The following MAD1L1 variants were observed in gnomAD, a reference collection of about 807,000 sequenced individuals.
The protein encoded by MAD1L1 is mitotic arrest deficient 1 like 1, also known as mitotic spindle assembly checkpoint protein MAD1.
In MAD1L1, 95 loss-of-function variants were observed where a neutral mutation model predicts 96.9. That is an observed-to-expected ratio of 0.98 (90% CI 0.83 to 1.16). The LOEUF is 1.16. MAD1L1 is among the 50% of genes most tolerant of loss of function. The pLI is 0.00. For synonymous variants in MAD1L1, 473 were observed against 396.6 expected, an observed-to-expected ratio of 1.19 and a Z score of -2.29; for missense variants, 1,007 against 954.4, an observed-to-expected ratio of 1.06 and a Z score of -0.73.
intron 18 of MAD1L1, among the ~76,000 whole-genome samples, chr7:1,860,610 G>A (rs61061082): frequency 0.023 from 3,465 of 152,282 alleles, 115 homozygotes; most frequent in African/African-American, 0.079. Context: ...AAACGAAGCT[G>A]CCCAGCTCTG....
At chr7:2,121,656 G>A (rs948947226) in intron 11 of MAD1L1, among the ~76,000 whole-genome samples, 1 of 151,188 alleles carries the variant, frequency 6.6e-6, no homozygotes, top group Non-Finnish European at 1.5e-5. Flanking sequence ...TGGGCCCAGA[G>A]CCAAGGTGGC....
chr7:2,167,055 A>G (rs13244625), intron 10 of MAD1L1, among the ~76,000 whole-genome samples: 22,231 of 152,240 alleles, frequency 0.15, 1,840 homozygotes, highest in Middle Eastern at 0.27. Context: ...GGTGAGCTCG[A>G]AACCCTAAAG....
chr7:1,932,689 T>C (rs1231945105), intron 17 of MAD1L1, among the ~76,000 whole-genome samples: 2 of 152,260 alleles, frequency 1.3e-5, no homozygotes, highest in Non-Finnish European at 1.5e-5. Context: ...TGTGCGGGTC[T>C]ATCCCCAACC....
intron 13 of MAD1L1, among the ~76,000 whole-genome samples, chr7:2,010,516 G>A (rs937418541): frequency 2.6e-5 from 4 of 152,296 alleles, no homozygotes; most frequent in African/African-American, 9.6e-5. Flanking sequence ...TATCCACAGA[G>A]GACTCCTGAC....
intron 10 of MAD1L1, among the ~76,000 whole-genome samples, chr7:2,159,257 G>A (rs1789984971): frequency 6.6e-6 from 1 of 152,246 alleles, no homozygotes. Flanking sequence ...GTGCAGGACA[G>A]GGGTGCAGGA....
intron 11 of MAD1L1, among the ~76,000 whole-genome samples, chr7:2,104,755 G>T (rs949974390): frequency 1.3e-5 from 2 of 151,988 alleles, no homozygotes; most frequent in Admixed American, 6.6e-5. Context: ...CCTTTGCCAT[G>T]AAAGACCTCA....
intron 18 of MAD1L1, among the ~76,000 whole-genome samples, chr7:1,836,003 G>A (rs1782920199): frequency 6.6e-6 from 1 of 152,152 alleles, no homozygotes; most frequent in Non-Finnish European, 1.5e-5. Context: ...AATGAGCAGT[G>A]AGGATGACCA....
intron 18 of MAD1L1, among the ~76,000 whole-genome samples, chr7:1,828,554 C>T (rs1318733429): frequency 6.6e-6 from 1 of 152,244 alleles, no homozygotes; most frequent in African/African-American, 2.4e-5. Flanking sequence ...CTGAGATGGA[C>T]ACCCCGCAGC....
At chr7:1,879,519 A>T (rs2128662930) in intron 18 of MAD1L1, among the ~76,000 whole-genome samples, 1 of 152,330 alleles carries the variant, frequency 6.6e-6, no homozygotes, top group East Asian at 1.9e-4. Flanking sequence ...AATGTAATCC[A>T]AATCAAAGTC....
chr7:1,901,099 G>C (rs1194525196), intron 17 of MAD1L1, among the ~76,000 whole-genome samples: 2 of 152,148 alleles, frequency 1.3e-5, no homozygotes, highest in Non-Finnish European at 2.9e-5. Context: ...CCCTGATCCT[G>C]GTCTCCTGTC....
At chr7:2,035,240 C>T (rs1441286649) in intron 12 of MAD1L1, among the ~76,000 whole-genome samples, 2 of 139,908 alleles carry the variant, frequency 1.4e-5, no homozygotes, top group Non-Finnish European at 3.0e-5. Flanking sequence ...GGAGTCCAGG[C>T]TCCCAGGCAT....
At chr7:2,024,735 T>C (rs1010177121) in intron 12 of MAD1L1, among the ~76,000 whole-genome samples, 2 of 152,160 alleles carry the variant, frequency 1.3e-5, no homozygotes, top group East Asian at 3.8e-4. Context: ...TACAGTCACT[T>C]TGGCGACGAC....
intron 17 of MAD1L1, among the ~76,000 whole-genome samples, chr7:1,899,497 C>T (rs1318612222): frequency 1.3e-5 from 2 of 152,200 alleles, no homozygotes; most frequent in Admixed American, 6.5e-5. Context: ...CTGCTGTAGG[C>T]GCCCACAACC....
chr7:2,090,657 G>A lies in MAD1L1; in HGVS notation c.1074-21319C>T, dbSNP rs145420457. Among the ~76,000 whole-genome samples the A allele has an allele frequency of 1.7e-3, 259 of 152,374 alleles. 1 individual carries two copies. Among genetic ancestry groups the A allele is most frequent in the Non-Finnish European group, 3.1e-3 (213 of 68,042 alleles). ...TTTCTCATGGACTTGGCAGTTCTGAGCAGGACTGGCCCAGGCAGGCCCCCC... is the reference window on the plus strand; with the variant it reads ...TTTCTCATGGACTTGGCAGTTCTGAACAGGACTGGCCCAGGCAGGCCCCCC... On this transcript the variant is annotated intron_variant, in intron 11 of 18. Coordinates refer to ENST00000265854, the MANE Select transcript of MAD1L1 (RefSeq NM_001013836.2).
chr7:2,014,739 G>T (rs868842197), intron 12 of MAD1L1, 97 bp from the exon 13 acceptor site: 10 of 1,384,260 alleles, frequency 7.2e-6, no homozygotes, highest in Middle Eastern at 2.2e-4. Context: ...TGGGTCACGC[G>T]GGGGCTCCCT....
intron 18 of MAD1L1, among the ~76,000 whole-genome samples, chr7:1,843,371 G>A (rs965341768): frequency 6.6e-5 from 10 of 152,118 alleles, no homozygotes; most frequent in Non-Finnish European, 1.5e-4. Context: ...CGTCCCTCAC[G>A]GCCAGGGAGG....
chr7:1,912,274 C>T (rs561551938), intron 17 of MAD1L1, among the ~76,000 whole-genome samples: 2 of 152,224 alleles, frequency 1.3e-5, no homozygotes, highest in Admixed American at 6.5e-5. Flanking sequence ...GAGAGACAGA[C>T]AGCAAATGGG....
chr7:2,027,283 AAAG>A (rs372007598), intron 12 of MAD1L1, among the ~76,000 whole-genome samples: 1 of 152,246 alleles, frequency 6.6e-6, no homozygotes, highest in Non-Finnish European at 1.5e-5. Context: ...CCAAGCGGTT[AAAG>A]AAGAAATATC....
At chr7:1,945,873 G>A (rs1177017646) in intron 16 of MAD1L1, among the ~76,000 whole-genome samples, 1 of 152,202 alleles carries the variant, frequency 6.6e-6, no homozygotes, top group Non-Finnish European at 1.5e-5. Flanking sequence ...AGGGCAGGAG[G>A]TGGTCCAGGG....
Sources: gnomAD v4.1 joint callset for allele counts (sites outside exome capture counted in the v4.1 genomes callset) on GRCh38, gnomAD v4.1.1 for gene constraint, MANE v1.5 for transcripts, NCBI Gene and HGNC (gene_info 2026-07-23, HGNC 2026-07-21) for gene names.